The following PHACTR2 variants were observed in gnomAD, a reference collection of about 807,000 sequenced individuals.
PHACTR2 encodes the protein chromosome 6 open reading frame 56.
Under a neutral mutation model 76.0 loss-of-function variants are expected in PHACTR2, and 30 were observed. That is an observed-to-expected ratio of 0.39 (90% CI 0.30 to 0.54). The LOEUF is 0.54. PHACTR2 is among the 20% of genes least tolerant of loss of function. The pLI is 0.61. For missense variants in PHACTR2, 696 were observed against 781.1 expected (o/e 0.89, Z 1.30); for synonymous variants, 292 against 292.5 (o/e 1.00, Z 0.02).
At chr6:143,748,611 C>T (rs1313207784) in intron 2 of PHACTR2, among the ~76,000 whole-genome samples, 3 of 152,150 alleles carry the variant, frequency 2.0e-5, no homozygotes, top group Non-Finnish European at 4.4e-5. Context: ...TTAATGTAAG[C>T]ATACATATCT....
intron 1 of PHACTR2, among the ~76,000 whole-genome samples, chr6:143,632,611 G>C (rs964287251): frequency 6.6e-6 from 1 of 152,162 alleles, no homozygotes; most frequent in Non-Finnish European, 1.5e-5. Context: ...ATCACCTAAA[G>C]CCCAACATTA....
intron 1 of PHACTR2, chr6:143,711,742 C>T (rs1778180024): frequency 1.6e-6 from 1 of 632,290 alleles, no homozygotes; most frequent in Non-Finnish European, 3.0e-6. Context: ...AGCTGTGTTG[C>T]ACAGACACTC....
At chr6:143,737,929 A>C (rs904052073) in intron 2 of PHACTR2, among the ~76,000 whole-genome samples, 11 of 152,204 alleles carry the variant, frequency 7.2e-5, no homozygotes, top group Non-Finnish European at 1.0e-4. Context: ...CAGAAAATAA[A>C]CTTTTTAATC....
In PHACTR2 at chr6:143,608,666, G is replaced by A. The variant is rs1562246767; in HGVS notation, c.13+344G>A. ...AACTATTACTAAGGGATGGCACAAG[G>A]TAGATGGAATTAAGTTAATGAGCTG... On this transcript the variant is annotated intron_variant, in intron 1 of 11. Transcript: ENST00000305766. The surrounding 1 kb of genome is among the most constrained non-coding windows in gnomAD (Gnocchi z 4.6). Among the ~76,000 whole-genome samples, 1 of 152,188 alleles carries A rather than the reference G, an allele frequency of 6.6e-6. No homozygotes were observed. Among genetic ancestry groups the A allele is most frequent in the Non-Finnish European group, 1.5e-5 (1 of 68,034 alleles).
At chr6:143,560,043 G>T (rs1241140875) in intron 1 of PHACTR2, among the ~76,000 whole-genome samples, 4 of 152,150 alleles carry the variant, frequency 2.6e-5, no homozygotes, top group African/African-American at 4.8e-5. Context: ...AAAATTGAGA[G>T]TAGGGGTTAT....
chr6:143,755,569 T>A lies in PHACTR2; in HGVS notation c.454+1657T>A. On this transcript the variant is annotated intron_variant, in intron 4 of 12. Transcript: ENST00000440869. The surrounding 1 kb of genome is among the most constrained non-coding windows in gnomAD (Gnocchi z 5.2). ...TATGGGTCCATGAATAGTTGAGAGA[T>A]GTTTTTCTTTGCTTAGAATTAGTAC... The A allele has an allele frequency of 3.2e-6, 1 of 307,716 alleles. No homozygotes were observed. Among genetic ancestry groups the A allele is most frequent in the South Asian group, 2.8e-5 (1 of 35,702 alleles). The allele number at this position is 307,716 out of a possible 1,614,324, so 19.1% of individuals were successfully genotyped here.
At chr6:143,552,888 G>GAAAAAAA (rs35606517) in intron 1 of PHACTR2, among the ~76,000 whole-genome samples, 4 of 116,650 alleles carry the variant, frequency 3.4e-5, no homozygotes, top group Non-Finnish European at 3.4e-5. Flanking sequence ...ATCTCAAAAA[G>GAAAAAAA]AAAAAAAAAA....
chr6:143,756,675 G>T (rs1174468508), intron 4 of PHACTR2, among the ~76,000 whole-genome samples: 1 of 147,898 alleles, frequency 6.8e-6, no homozygotes, highest in Non-Finnish European at 1.5e-5. Flanking sequence ...CTCCAGCCTG[G>T]GCGACAGAGC....
At chr6:143,694,156 G>T (rs1388752739) in intron 1 of PHACTR2, among the ~76,000 whole-genome samples, 1 of 146,654 alleles carries the variant, frequency 6.8e-6, no homozygotes, top group Non-Finnish European at 1.5e-5. Context: ...GAAGGCCTGC[G>T]ACAGGGAGTG....
rs937287319 is a variant in PHACTR2 at position 143,757,618 on chromosome 6, C to G, written c.455-2783C>G. On this transcript the variant is annotated intron_variant, in intron 4 of 12. Transcript: ENST00000440869. This position sits in a 1 kb window ranked among gnomAD's most constrained non-coding sequence, Gnocchi z 4.2. ...TTGCTGGAAAGGCTAGCGTCCTTAT[C>G]AAGCCAGAATGACGAGGCAGCCCTT... is the stretch of plus-strand genomic sequence containing the variant. 3.3e-5 allele frequency among the ~76,000 whole-genome samples: 5 copies of G among 152,190 alleles called. No homozygotes were observed. The highest frequency in any genetic ancestry group is 2.6e-4 in the Admixed American group (4 of 15,280).
intron 1 of PHACTR2, among the ~76,000 whole-genome samples, chr6:143,701,132 A>AAAC (rs1424369018): frequency 1.3e-5 from 2 of 152,172 alleles, no homozygotes; most frequent in Non-Finnish European, 2.9e-5. Context: ...AGTCTAGGGG[A>AAAC]TGTTGTTCAT....
rs1258585501 is a variant in PHACTR2 at position 143,820,120 on chromosome 6, A to AC, written c.1923-3549dup. 2.0e-5 allele frequency among the ~76,000 whole-genome samples: 3 copies of AC among 151,870 alleles called. No individual in the cohort carries two copies. Among genetic ancestry groups the AC allele is most frequent in the Admixed American group, 2.0e-4 (3 of 15,246 alleles). ...AGACAGTACCAAGCCATAGGGATCCACCCCCAGGACCCAAACACCTCCCAG... is the reference window on the plus strand; with the variant it reads ...AGACAGTACCAAGCCATAGGGATCCACCCCCCAGGACCCAAACACCTCCCAG... On this transcript the variant is annotated intron_variant, in intron 12 of 12. Coordinates refer to ENST00000440869, the MANE Select transcript of PHACTR2 (RefSeq NM_001100164.2). The surrounding 1 kb of genome is among the most constrained non-coding windows in gnomAD (Gnocchi z 4.2).
intron 1 of PHACTR2, among the ~76,000 whole-genome samples, chr6:143,567,779 GTGT>G (rs1562238779): frequency 6.6e-6 from 1 of 152,230 alleles, no homozygotes; most frequent in Non-Finnish European, 1.5e-5. Context: ...ACTTCCCTCT[GTGT>G]TGTTTGCTCT....
chr6:143,810,831 C>CA (rs750421924), intron 12 of PHACTR2, among the ~76,000 whole-genome samples: 5,088 of 132,422 alleles, frequency 0.038, 192 homozygotes, highest in African/African-American at 0.093. Context: ...GACCCTGTCT[C>CA]AAAAAAAAAA....
rs952979449 is a variant in PHACTR2, at chr6:143,592,840, G to A, written c.217+55633G>A. ...AGGCGAGCAGATTACTTGAGCCTAGGAGTTTGAGACCCAGGCTGCAAAATG... is the reference window on the plus strand; with the variant it reads ...AGGCGAGCAGATTACTTGAGCCTAGAAGTTTGAGACCCAGGCTGCAAAATG... On this transcript the variant is annotated intron_variant, in intron 1 of 11. Transcript: ENST00000367584. The surrounding 1 kb of genome is among the most constrained non-coding windows in gnomAD (Gnocchi z 4.0). 6.6e-6 allele frequency among the ~76,000 whole-genome samples: 1 copy of A among 151,884 alleles called. No individual in the cohort carries two copies. Among genetic ancestry groups the A allele is most frequent in the Non-Finnish European group, 1.5e-5 (1 of 67,978 alleles).
rs1301589704 is a variant in PHACTR2, at chr6:143,556,046, C to T, written c.217+18839C>T. On this transcript the variant is annotated intron_variant, in intron 1 of 11. Transcript: ENST00000367584. This position sits in a 1 kb window ranked among gnomAD's most constrained non-coding sequence, Gnocchi z 4.3. ...AAAAGAAAAGAGACCAAACCTTTTA[C>T]TCTTAGTAATTAATCTATTTGTAGT... Among the ~76,000 whole-genome samples, 2 of 151,474 alleles carry T rather than the reference C, an allele frequency of 1.3e-5. No homozygotes were observed. Among genetic ancestry groups the T allele is most frequent in the African/African-American group, 2.4e-5 (1 of 41,170 alleles).
At chr6:143,719,629 C>T (rs113096766) in intron 2 of PHACTR2, among the ~76,000 whole-genome samples, 4 of 149,306 alleles carry the variant, frequency 2.7e-5, no homozygotes, top group Non-Finnish European at 4.5e-5. Context: ...GGATTACAGG[C>T]GTGAGCAACC....
intron 1 of PHACTR2, among the ~76,000 whole-genome samples, chr6:143,579,605 G>A (rs898465448): frequency 6.6e-6 from 1 of 152,130 alleles, no homozygotes; most frequent in Non-Finnish European, 1.5e-5. Flanking sequence ...CTCAGAGAAG[G>A]CACTTCTTTG....
rs375809344 is a variant in PHACTR2, at chr6:143,589,017, C to A, written c.217+51810C>A. Among the ~76,000 whole-genome samples, 4 of 152,206 alleles carry A rather than the reference C, an allele frequency of 2.6e-5. No individual in the cohort carries two copies. The highest frequency in any genetic ancestry group is 9.6e-5 in the African/African-American group (4 of 41,452). The stretch of plus-strand genomic sequence containing the variant: ...CCTTCAAGGAACAAATCACTCTCAT[C>A]GTATGAGTTTGCTAGAGCTGCCACA... On this transcript the variant is annotated intron_variant, in intron 1 of 11. Coordinates refer to the PHACTR2 transcript ENST00000367584. The surrounding 1 kb of genome is among the most constrained non-coding windows in gnomAD (Gnocchi z 4.4).
Sources: allele counts gnomAD v4.1 joint callset (sites outside exome capture counted in the v4.1 genomes callset), GRCh38; gene constraint gnomAD v4.1.1; non-coding constraint Gnocchi (gnomAD v3.1); transcripts MANE v1.5; gene names NCBI Gene and HGNC (gene_info 2026-07-23, HGNC 2026-07-21).